Variants in PCDHA5 observed in about 807,000 individuals in gnomAD.
PCDHA5 encodes the protein protocadherin alpha 5.
In PCDHA5, 43 loss-of-function variants were observed where a neutral mutation model predicts 61.6. That is an observed-to-expected ratio of 0.70 (90% CI 0.55 to 0.90). PCDHA5 has a LOEUF of 0.90. Ranked by LOEUF, PCDHA5 falls within the 40% of genes least tolerant of loss-of-function variation. The probability of loss-of-function intolerance (pLI) is 0.00; values close to 1 mark genes in which losing one functional copy is unlikely to be tolerated. For missense variants in PCDHA5, 1,298 were observed against 1,222.7 expected, an observed-to-expected ratio of 1.06 and a Z score of -0.92; for synonymous variants, 627 against 543.9, an observed-to-expected ratio of 1.15 and a Z score of -2.13.
chr5:140,885,642 A>G (rs2060672494), intron 1 of PCDHA5, among the ~76,000 whole-genome samples: 1 of 152,170 alleles, frequency 6.6e-6, no homozygotes, highest in Non-Finnish European at 1.5e-5. Flanking sequence ...CCTTCCAAGT[A>G]TTTTGGAACC....
intron 1 of PCDHA5, chr5:140,830,444 A>G (rs1204273362): frequency 1.2e-6 from 2 of 1,603,464 alleles, no homozygotes; most frequent in African/African-American, 2.7e-5. Flanking sequence ...TATGATGGGT[A>G]AGGCGGAGAA....
intron 1 of PCDHA5, chr5:140,857,669 G>T (rs926570494): frequency 5.0e-6 from 8 of 1,596,800 alleles, no homozygotes; most frequent in East Asian, 2.2e-5. Flanking sequence ...CGATGGGGGC[G>T]TGCCGCCTCT....
intron 1 of PCDHA5, among the ~76,000 whole-genome samples, chr5:140,897,478 G>T (rs1554187409): frequency 1.3e-5 from 2 of 151,844 alleles, no homozygotes; most frequent in African/African-American, 4.8e-5. Flanking sequence ...TGAGAATGAT[G>T]ATTTCCAATT....
chr5:140,941,462 C>T (rs1323217881), intron 1 of PCDHA5, among the ~76,000 whole-genome samples: 1 of 150,980 alleles, frequency 6.6e-6, no homozygotes, highest in Non-Finnish European at 1.5e-5. Context: ...ATTACAGGCG[C>T]CCACCACCAC....
At chr5:140,918,694 T>C (rs1260893633) in intron 1 of PCDHA5, among the ~76,000 whole-genome samples, 2 of 152,186 alleles carry the variant, frequency 1.3e-5, no homozygotes, top group Non-Finnish European at 2.9e-5. Flanking sequence ...CAAACATAAT[T>C]AAGTCATGAG....
chr5:140,927,506 C>G (rs1554204645), intron 1 of PCDHA5: 1 of 1,614,128 alleles, frequency 6.2e-7, no homozygotes, highest in Non-Finnish European at 8.5e-7. Context: ...GTGCTTACAG[C>G]TCGGGACGGC....
intron 1 of PCDHA5, chr5:140,969,549 C>A: frequency 1.6e-6 from 2 of 1,238,176 alleles, no homozygotes; most frequent in South Asian, 3.3e-5. Context: ...AGGCATGAAG[C>A]CTTGTCCATA....
intron 1 of PCDHA5, among the ~76,000 whole-genome samples, chr5:140,937,875 G>GCATGGCGCCCAGGCGC (rs1467494060): frequency 1.3e-5 from 2 of 150,442 alleles, no homozygotes; most frequent in African/African-American, 4.9e-5. Context: ...TCGCGCCACT[G>GCATGGCGCCCAGGCGC]CACTCCAGCC....
intron 1 of PCDHA5, chr5:140,836,942 A>C: frequency 2.2e-6 from 1 of 454,226 alleles, no homozygotes; most frequent in Non-Finnish European, 3.8e-6. Flanking sequence ...CTATAGATCA[A>C]AATCTATGGT....
chr5:140,989,010 A>G (rs2097325577), intron 3 of PCDHA5: 1 of 152,226 alleles, frequency 6.6e-6, no homozygotes, highest in Non-Finnish European at 1.5e-5. Context: ...GAGACTTATT[A>G]TAGTTTCTTC....
intron 3 of PCDHA5, among the ~76,000 whole-genome samples, chr5:140,999,483 T>G (rs1316785085): frequency 3.3e-5 from 5 of 152,152 alleles, no homozygotes; most frequent in Admixed American, 2.6e-4. Flanking sequence ...CCAACTCAAG[T>G]CTATGTTACC....
intron 1 of PCDHA5, chr5:140,881,923 AGTGATT>A (rs2058875658): frequency 3.8e-6 from 1 of 262,834 alleles, no homozygotes; most frequent in African/African-American, 2.2e-5. Flanking sequence ...AGCAGAATGC[AGTGATT>A]TGCTGTTTCT....
At chr5:140,829,658 C>A in intron 1 of PCDHA5, 8 of 1,612,628 alleles carry the variant, frequency 5.0e-6, no homozygotes, top group Non-Finnish European at 6.8e-6. Flanking sequence ...GCTGCAGCCG[C>A]TGGACCACGA....
intron 3 of PCDHA5, among the ~76,000 whole-genome samples, chr5:140,986,398 G>A (rs973049448): frequency 7.2e-5 from 11 of 152,174 alleles, no homozygotes; most frequent in African/African-American, 2.4e-4. Flanking sequence ...AGGGCCAGTC[G>A]CTCATGTTAC....
intron 1 of PCDHA5, among the ~76,000 whole-genome samples, chr5:140,933,649 T>G (rs1259214104): frequency 6.6e-6 from 1 of 152,058 alleles, no homozygotes; most frequent in Non-Finnish European, 1.5e-5. Flanking sequence ...AAGTTGGAAA[T>G]CCTGTCTCTC....
At chr5:140,968,580 C>T (rs782395602) in intron 1 of PCDHA5, 1 of 1,614,218 alleles carries the variant, frequency 6.2e-7, no homozygotes, top group Admixed American at 1.7e-5. Context: ...TACCTGGTCA[C>T]CAAAGTCATA....
In PCDHA5 at chr5:140,823,168, G is replaced by A. The variant is rs2150123028; in HGVS notation, c.1393G>A (p.Glu465Lys). ...GCCCCAGTATACCGTGTTCGTGAAG[G>A]AGAACAACCCGCCAGGCTGCCACAT... is the stretch of plus-strand genomic sequence containing the variant. ...AQPQYTVFVK[E>K]NNPPGCHIFT... Residue 465 changes from glutamate to lysine, a missense_variant, in exon 1 of 4, where the codon GAG (glutamate) becomes AAG (lysine). Coordinates refer to ENST00000529859, the MANE Select transcript of PCDHA5 (RefSeq NM_018908.3). The A allele has an allele frequency of 2.9e-5, 46 of 1,613,838 alleles. No homozygotes were observed. Among genetic ancestry groups the A allele is most frequent in the Non-Finnish European group, 3.7e-5 (44 of 1,179,912 alleles).
intron 1 of PCDHA5, chr5:140,843,324 C>A: frequency 6.3e-7 from 1 of 1,596,010 alleles, no homozygotes; most frequent in Middle Eastern, 1.7e-4. Flanking sequence ...GTTCTGGTGT[C>A]GCTGGTGGAG....
chr5:140,905,399 A>AT (rs1414882789), intron 1 of PCDHA5, among the ~76,000 whole-genome samples: 8 of 152,142 alleles, frequency 5.3e-5, no homozygotes, highest in African/African-American at 1.9e-4. Context: ...CTGTGTGCCT[A>AT]TTTTTATACC....
Sources: gnomAD v4.1 joint callset for allele counts (sites outside exome capture counted in the v4.1 genomes callset) on GRCh38, gnomAD v4.1.1 for gene constraint, MANE v1.5 for transcripts, NCBI Gene and HGNC (gene_info 2026-07-23, HGNC 2026-07-21) for gene names.